CDK13: variants seen among roughly 807,000 people sequenced by gnomAD.
The protein encoded by CDK13 is cyclin-dependent kinase 13.
In CDK13, 40 loss-of-function variants were observed where a neutral mutation model predicts 137.6. The observed-to-expected ratio is 0.29, with a 90% confidence interval of 0.23 to 0.38. CDK13 has a LOEUF of 0.38. Ranked by LOEUF, CDK13 falls within the 10% of genes least tolerant of loss-of-function variation. The pLI is 1.00. For synonymous variants in CDK13, 869 were observed against 760.1 expected, an observed-to-expected ratio of 1.14 and a Z score of -2.36; for missense variants, 1,704 against 1,951.8, an observed-to-expected ratio of 0.87 and a Z score of 2.39.
intron 7 of CDK13, among the ~76,000 whole-genome samples, chr7:40,058,274 T>C (rs1786064474): frequency 6.6e-6 from 1 of 152,166 alleles, no homozygotes; most frequent in African/African-American, 2.4e-5. Context: ...TACAGTCTTA[T>C]CAACTGAAGT....
chr7:40,050,899 T>G (rs1200818052), intron 7 of CDK13, among the ~76,000 whole-genome samples: 1 of 152,238 alleles, frequency 6.6e-6, no homozygotes, highest in Non-Finnish European at 1.5e-5. Context: ...ATTCTTGTTA[T>G]GCAGATATTT....
chr7:40,021,546 A>T (rs1311248758), intron 5 of CDK13, among the ~76,000 whole-genome samples: 1 of 152,190 alleles, frequency 6.6e-6, no homozygotes, highest in African/African-American at 2.4e-5. Context: ...CTTACACATA[A>T]AACTCCAAAA....
At chr7:40,010,291 C>T (rs1028958948) in intron 5 of CDK13, among the ~76,000 whole-genome samples, 2 of 152,090 alleles carry the variant, frequency 1.3e-5, no homozygotes, top group African/African-American at 4.8e-5. Context: ...ATGCACAGTT[C>T]ATACTAGAGT....
At chr7:40,032,359 CTGCACCCT>C in intron 5 of CDK13, among the ~76,000 whole-genome samples, 2 of 152,358 alleles carry the variant, frequency 1.3e-5, no homozygotes, top group Middle Eastern at 6.8e-3. Flanking sequence ...GCATGAGCCA[CTGCACCCT>C]GCCAAAGAGC....
In CDK13 at chr7:40,099,364, T is replaced by C. The variant is rs1462281174; in HGVS notation, c.*4384T>C. On this transcript the variant is annotated 3_prime_UTR_variant, in exon 14 of 14. Coordinates refer to ENST00000181839, the MANE Select transcript of CDK13 (RefSeq NM_003718.5). The stretch of plus-strand genomic sequence containing the variant: ...GTGCAATTAAAAATGAATTTTCTAA[T>C]TGTATTCAAATGAGGCTCTATAGTG... The C allele has an allele frequency of 1.3e-5, 2 of 152,230 alleles. No individual in the cohort carries two copies. Among genetic ancestry groups the C allele is most frequent in the Non-Finnish European group, 2.9e-5 (2 of 68,026 alleles). 9.4% of individuals were successfully genotyped at this position (152,230 alleles called of 1,614,324 possible). A position where few individuals can be genotyped will look rare whatever the true frequency, so the allele number is the denominator to read the frequency against.
chr7:40,011,217 A>G (rs556860611), intron 5 of CDK13, among the ~76,000 whole-genome samples: 12 of 152,096 alleles, frequency 7.9e-5, no homozygotes, highest in African/African-American at 1.7e-4. Context: ...AACCCTCACA[A>G]TTTTCAATTT....
intron 1 of CDK13, chr7:39,986,711 A>AAAACT (rs1784344916): frequency 6.6e-6 from 1 of 152,140 alleles, no homozygotes; most frequent in African/African-American, 2.4e-5. Context: ...ATTAAGAGTG[A>AAAACT]TTGGATAGTT....
At chr7:39,954,674 C>T (rs1257836474) in intron 1 of CDK13, among the ~76,000 whole-genome samples, 8 of 152,224 alleles carry the variant, frequency 5.3e-5, no homozygotes, top group South Asian at 2.1e-4. Flanking sequence ...AATATTTCCC[C>T]AGCCTATGCA....
At chr7:40,055,965 G>T (rs1259717258) in intron 7 of CDK13, among the ~76,000 whole-genome samples, 1 of 152,102 alleles carries the variant, frequency 6.6e-6, no homozygotes, top group Non-Finnish European at 1.5e-5. Context: ...TAAATTTCCT[G>T]GAACCAAAAC....
intron 5 of CDK13, among the ~76,000 whole-genome samples, chr7:40,029,762 C>G (rs1785327583): frequency 6.6e-6 from 1 of 152,028 alleles, no homozygotes; most frequent in Non-Finnish European, 1.5e-5. Flanking sequence ...AAGCGATTCT[C>G]CTGCCTCAGC....
intron 11 of CDK13, among the ~76,000 whole-genome samples, chr7:40,081,828 T>C (rs1040911838): frequency 2.0e-5 from 3 of 152,120 alleles, no homozygotes; most frequent in Non-Finnish European, 4.4e-5. Flanking sequence ...GTCAGGCTGG[T>C]CTCGAACTCC....
chr7:40,044,610 C>T lies in CDK13; in HGVS notation c.2354-1226C>T, dbSNP rs561844230. Among the ~76,000 whole-genome samples the T allele has an allele frequency of 1.5e-3, 232 of 151,524 alleles. 1 individual carries two copies. Among genetic ancestry groups the T allele is most frequent in the African/African-American group, 5.1e-3 (210 of 41,348 alleles). ...CTGGGATTATAGGCATGAGCCACAG[C>T]GCCCGGCTGTCTTTTGCTTTTTGAG... On this transcript the variant is annotated intron_variant, in intron 5 of 13. Transcript: ENST00000181839.
At position 40,063,072 on chromosome 7, in the gene CDK13, C is replaced by T; in HGVS notation, c.2752C>T (p.Gln918Ter). 6.2e-7 allele frequency: 1 copy of T among 1,613,286 alleles called. No individual in the cohort carries two copies. The highest frequency in any genetic ancestry group is 8.5e-7 in the Non-Finnish European group (1 of 1,179,290). Residue 918 changes from glutamine to a stop codon, truncating the protein, a stop_gained, in exon 9 of 14, where the codon CAG (glutamine) becomes TAG (stop). Coordinates refer to ENST00000181839, the MANE Select transcript of CDK13 (RefSeq NM_003718.5). LOFTEE classifies it high-confidence loss of function. ...TAAAAAACCTATATTTCAAGCAAAT[C>T]AGGAACTTGCACAACTAGAATTAAT... is the stretch of plus-strand genomic sequence containing the variant. ...FTKKPIFQAN[Q>*]ELAQLELISR...
intron 12 of CDK13, among the ~76,000 whole-genome samples, chr7:40,091,512 CA>C (rs571015632): frequency 1.5e-3 from 197 of 134,806 alleles, no homozygotes; most frequent in East Asian, 2.5e-3. Flanking sequence ...GACTCTGTCT[CA>C]AAAAAAAAAA....
At chr7:40,089,721 A>AGTGTGTGTGT (rs1302558699) in intron 12 of CDK13, among the ~76,000 whole-genome samples, 2 of 126,758 alleles carry the variant, frequency 1.6e-5, no homozygotes, top group African/African-American at 7.3e-5. Flanking sequence ...AGAGAGAGAG[A>AGTGTGTGTGT]GAGTGTGTGT....
rs1294747717 is a variant in CDK13 at position 40,098,951 on chromosome 7, CTGTA to C, written c.*3977_*3980del. The C allele has an allele frequency of 6.6e-6, 1 of 151,696 alleles. No homozygotes were observed. The highest frequency in any genetic ancestry group is 1.5e-5 in the Non-Finnish European group (1 of 67,914). 9.4% of individuals were successfully genotyped at this position (151,696 alleles called of 1,614,324 possible). A position where few individuals can be genotyped will look rare whatever the true frequency, so the allele number is the denominator to read the frequency against. ...TGGATAATCTTTGAAAAGGCAAGTC[CTGTA>C]TGTATTTTTCATTTGTTGAAAGAAG... is the stretch of plus-strand genomic sequence containing the variant. On this transcript the variant is annotated 3_prime_UTR_variant, in exon 14 of 14. Transcript: ENST00000181839.
intron 1 of CDK13, chr7:39,952,466 G>GAT (rs1228986376): frequency 1.3e-5 from 2 of 152,168 alleles, no homozygotes; most frequent in Non-Finnish European, 2.9e-5. Flanking sequence ...TCTATTTAGT[G>GAT]ATATTCTTGT....
At chr7:40,043,267 A>G (rs895984900) in intron 5 of CDK13, among the ~76,000 whole-genome samples, 20 of 152,176 alleles carry the variant, frequency 1.3e-4, no homozygotes, top group Admixed American at 7.9e-4. Flanking sequence ...TAAATTGGCT[A>G]TTTTTATAAT....
intron 9 of CDK13, among the ~76,000 whole-genome samples, chr7:40,063,604 A>G (rs1020161423): frequency 6.6e-6 from 1 of 152,144 alleles, no homozygotes; most frequent in Non-Finnish European, 1.5e-5. Flanking sequence ...GACCTAGTTC[A>G]TAAGCAATTA....
Sources: allele counts gnomAD v4.1 joint callset (sites outside exome capture counted in the v4.1 genomes callset), GRCh38; gene constraint gnomAD v4.1.1; transcripts MANE v1.5; gene names NCBI Gene and HGNC (gene_info 2026-07-23, HGNC 2026-07-21).